The following ACTL7B variants were observed in gnomAD, a reference collection of about 807,000 sequenced individuals.
The protein encoded by ACTL7B is actin like 7B.
A neutral mutation model predicts 17.5 loss-of-function variants in ACTL7B; 14 were observed. That is an observed-to-expected ratio of 0.80 (90% confidence interval 0.53 to 1.25). The LOEUF is 1.25. ACTL7B is among the 50% of genes most tolerant of loss of function. The probability of loss-of-function intolerance (pLI) is 0.00; values close to 1 mark genes in which losing one functional copy is unlikely to be tolerated. For missense variants in ACTL7B, 599 were observed against 573.9 expected (o/e 1.04, Z -0.45); for synonymous variants, 267 against 252.4 (o/e 1.06, Z -0.55).
chr9:108,855,324 C>G lies in ACTL7B; in HGVS notation c.607G>C (p.Val203Leu). 6.2e-7 allele frequency: 1 copy of G among 1,605,594 alleles called. No individual in the cohort carries two copies. Residue 203 changes from valine to leucine, a missense_variant, in exon 1 of 1, where the codon GTC (valine) becomes CTC (leucine). By Grantham distance (32) the Val-to-Leu change is conservative (BLOSUM62 1). Coordinates refer to ENST00000374667, the MANE Select transcript of ACTL7B (RefSeq NM_006686.4). ...SGLVVESGHG[V>L]SHVVPISEGD... is the part of the protein sequence containing the mutation. The stretch of plus-strand genomic sequence containing the variant: ...TCGGATATGGGCACCACGTGCGAGA[C>G]GCCGTGCCCGCTCTCCACCACCAGC...
chr9:108,855,734 G>C lies in ACTL7B; in HGVS notation c.197C>G (p.Ala66Gly). 6.2e-7 allele frequency: 1 copy of C among 1,608,820 alleles called. No homozygotes were observed. The highest frequency in any genetic ancestry group is 1.1e-5 in the South Asian group (1 of 91,064). Residue 66 changes from alanine (A) to glycine (G), a missense_variant, in exon 1 of 1, where the codon GCG becomes GGG. Transcript: ENST00000374667. ...GAAGTAGGTGGGCCTCGGCTCTCCC[G>C]CGTAGCCGCACTTGCAGTACTGGGA... Reference protein sequence around the residue: ...LGSQYCKCGYAGEPRPTYFIS... With the variant: ...LGSQYCKCGYGGEPRPTYFIS...
rs34113222 is a variant in ACTL7B at position 108,855,826 on chromosome 9, C to T, written c.105G>A (p.Ala35=). Residue 35 remains alanine (A), a synonymous_variant, in exon 1 of 1, where the codon GCG becomes GCA. Transcript: ENST00000374667. ...GPDASLRDTG[A]ATQLKMKPRK... Reference sequence around the variant, plus strand: ...TGGGCTTCATCTTGAGCTGAGTGGCCGCACCTGTGTCCCGGAGGCTGGCGT... The same window carrying T: ...TGGGCTTCATCTTGAGCTGAGTGGCTGCACCTGTGTCCCGGAGGCTGGCGT... The T allele has an allele frequency of 7.3e-3, 11,730 of 1,611,380 alleles. 763 individuals carry two copies. In the African/African-American group the frequency reaches 0.14, roughly 19 times the overall value.
At position 108,855,278 on chromosome 9, in the gene ACTL7B, A is replaced by T. The variant is rs1448842948; in HGVS notation, c.653T>A (p.Leu218Gln). The T allele has an allele frequency of 6.3e-7, 1 of 1,598,042 alleles. No homozygotes were observed. The highest frequency in any genetic ancestry group is 1.3e-5 in the African/African-American group (1 of 74,884). Residue 218 changes from leucine to glutamine, a missense_variant, in exon 1 of 1, where the codon CTG becomes CAG. Coordinates refer to ENST00000374667, the MANE Select transcript of ACTL7B (RefSeq NM_006686.4). ...CCCAGCGTAGTCGGCGCGGCTGGTCAGGCCCGGCAGCACGTCGCCCTCGGA... is the reference window on the plus strand; with the variant it reads ...CCCAGCGTAGTCGGCGCGGCTGGTCTGGCCCGGCAGCACGTCGCCCTCGGA... ...PISEGDVLPG[L>Q]TSRADYAGGD...
In ACTL7B at chr9:108,855,805, C is replaced by T. The variant is rs1827094430; in HGVS notation, c.126G>A (p.Lys42=). The T allele has an allele frequency of 6.2e-7, 1 of 1,610,842 alleles. No individual in the cohort carries two copies. The highest frequency in any genetic ancestry group is 1.1e-5 in the South Asian group (1 of 91,092). ...DTGAATQLKM[K]PRKVHKIKAV... ...CCTTGATCTTGTGCACCTTCCTGGG[C>T]TTCATCTTGAGCTGAGTGGCCGCAC... Residue 42 remains lysine, a synonymous_variant, in exon 1 of 1, where the codon AAG becomes AAA. Transcript: ENST00000374667.
At position 108,854,634 on chromosome 9, in the gene ACTL7B, G is replaced by T; in HGVS notation, c.*49C>A. On this transcript the variant is annotated 3_prime_UTR_variant, in exon 1 of 1. Transcript: ENST00000374667. ...GAAATTCTGTAAATGTGTATAGAGA[G>T]GCCTGTGGCCATCTGTGCTGGAGGC... 1 of 1,435,562 alleles carries T rather than the reference G, an allele frequency of 7.0e-7. No individual in the cohort carries two copies. The highest frequency in any genetic ancestry group is 9.2e-7 in the Non-Finnish European group (1 of 1,089,344). The allele number at this position is 1,435,562 out of a possible 1,614,324, so 88.9% of individuals were successfully genotyped here.
rs1202959498 is a variant in ACTL7B, at chr9:108,855,511, G to A, written c.420C>T (p.Ile140=). ...WEYIFRTAMK[I]LPEEHAVLVS... The stretch of plus-strand genomic sequence containing the variant: ...CCAGCACAGCGTGCTCCTCGGGGAG[G>A]ATCTTCATGGCGGTGCGGAAGATGT... The change falls in exon 1 of 1, where the codon ATC becomes ATT. Residue 140 remains isoleucine, a synonymous_variant. Transcript: ENST00000374667. 6.2e-7 allele frequency: 1 copy of A among 1,613,490 alleles called. No homozygotes were observed. Among genetic ancestry groups the A allele is most frequent in the Non-Finnish European group, 8.5e-7 (1 of 1,180,048 alleles).
At position 108,855,018 on chromosome 9, in the gene ACTL7B, G is replaced by T; in HGVS notation, c.913C>A (p.Pro305Thr). ...GGCTGGGTGCTGCCTGCCAGGGAGG[G>T]CTGGAAGAGCATCTCAGAGCAACGG... ...RFRCSEMLFQ[P>T]SLAGSTQPGL... Residue 305 changes from proline (P) to threonine (T), a missense_variant, in exon 1 of 1, where the codon CCC becomes ACC. Physicochemically the swap from Pro to Thr is conservative, Grantham distance 38 (BLOSUM62 -1). Coordinates refer to ENST00000374667, the MANE Select transcript of ACTL7B (RefSeq NM_006686.4). 6.6e-7 allele frequency: 1 copy of T among 1,521,022 alleles called. No individual in the cohort carries two copies. The highest frequency in any genetic ancestry group is 8.8e-7 in the Non-Finnish European group (1 of 1,132,966). 94.2% of individuals were successfully genotyped at this position (1,521,022 alleles called of 1,614,324 possible). A position where few individuals can be genotyped will look rare whatever the true frequency, so the allele number is the denominator to read the frequency against.
Position 108,855,016 on chromosome 9 carries a change from G to A in ACTL7B, c.915C>T (p.Pro305=), listed in dbSNP as rs114422174. The change falls in exon 1 of 1, where the codon CCC becomes CCT. Residue 305 remains proline (P), a synonymous_variant. Coordinates refer to ENST00000374667, the MANE Select transcript of ACTL7B (RefSeq NM_006686.4). ...CCGGCTGGGTGCTGCCTGCCAGGGA[G>A]GGCTGGAAGAGCATCTCAGAGCAAC... The part of the protein sequence containing the change: ...RFRCSEMLFQ[P]SLAGSTQPGL... The A allele has an allele frequency of 6.6e-7, 1 of 1,518,660 alleles. No homozygotes were observed. The highest frequency in any genetic ancestry group is 1.4e-5 in the African/African-American group (1 of 72,122). 94.1% of individuals were successfully genotyped at this position (1,518,660 alleles called of 1,614,324 possible).
At position 108,854,612 on chromosome 9, in the gene ACTL7B, A is replaced by G. The variant is rs542437396; in HGVS notation, c.*71T>C. Reference sequence around the variant, plus strand: ...ATTTCAGAGTAAACCTTTATGTGAAATTCTGTAAATGTGTATAGAGAGGCC... The same window carrying G: ...ATTTCAGAGTAAACCTTTATGTGAAGTTCTGTAAATGTGTATAGAGAGGCC... On this transcript the variant is annotated 3_prime_UTR_variant, in exon 1 of 1. Coordinates refer to ENST00000374667, the MANE Select transcript of ACTL7B (RefSeq NM_006686.4). 116 of 1,347,382 alleles carry G rather than the reference A, an allele frequency of 8.6e-5. No homozygotes were observed. In the Middle Eastern group the frequency reaches 5.5e-3, roughly 64 times the overall value. The allele number at this position is 1,347,382 out of a possible 1,614,324, so 83.5% of individuals were successfully genotyped here. A position where few individuals can be genotyped will look rare whatever the true frequency, so the allele number is the denominator to read the frequency against.
In ACTL7B at chr9:108,855,031, C is replaced by T. The variant is rs1827071863; in HGVS notation, c.900G>A (p.Glu300=). 2.0e-6 allele frequency: 3 copies of T among 1,527,784 alleles called. No individual in the cohort carries two copies. In the South Asian group the frequency reaches 3.9e-5, roughly 20 times the overall value. The allele number at this position is 1,527,784 out of a possible 1,614,324, so 94.6% of individuals were successfully genotyped here. Residue 300 remains glutamate, a synonymous_variant, in exon 1 of 1, where the codon GAG becomes GAA. Transcript: ENST00000374667. ...CTGCCAGGGAGGGCTGGAAGAGCAT[C>T]TCAGAGCAACGGAAGCGCTCCTGGC... The part of the protein sequence containing the change: ...TIGQERFRCS[E]MLFQPSLAGS...
At position 108,855,733 on chromosome 9, in the gene ACTL7B, C is replaced by T. The variant is rs745654240; in HGVS notation, c.198G>A (p.Ala66=). 5.0e-6 allele frequency: 8 copies of T among 1,608,678 alleles called. No individual in the cohort carries two copies. The highest frequency in any genetic ancestry group is 6.8e-6 in the Non-Finnish European group (8 of 1,179,948). Residue 66 remains alanine, a synonymous_variant, in exon 1 of 1, where the codon GCG becomes GCA. Coordinates refer to ENST00000374667, the MANE Select transcript of ACTL7B (RefSeq NM_006686.4). ...LGSQYCKCGY[A]GEPRPTYFIS... ...TGAAGTAGGTGGGCCTCGGCTCTCC[C>T]GCGTAGCCGCACTTGCAGTACTGGG...
rs1229456577 is a variant in ACTL7B at position 108,855,265 on chromosome 9, G to A, written c.666C>T (p.Ala222=). 1.3e-6 allele frequency: 2 copies of A among 1,596,332 alleles called. No individual in the cohort carries two copies. Among genetic ancestry groups the A allele is most frequent in the Non-Finnish European group, 1.7e-6 (2 of 1,176,698 alleles). The change falls in exon 1 of 1, where the codon GCC becomes GCT. Residue 222 remains alanine, a synonymous_variant. Transcript: ENST00000374667. ...TGGTGAGGTCACCCCCAGCGTAGTC[G>A]GCGCGGCTGGTCAGGCCCGGCAGCA... ...GDVLPGLTSR[A]DYAGGDLTNY...
In ACTL7B at chr9:108,854,677, C is replaced by T. The variant is rs771048019; in HGVS notation, c.*6G>A. On this transcript the variant is annotated 3_prime_UTR_variant, in exon 1 of 1. Transcript: ENST00000374667. ...CTGGAGGCCTTGTCTGTGGAAATGC[C>T]GAGGCTCAGCACTTGCTGTAGATGG... The T allele has an allele frequency of 3.3e-6, 5 of 1,492,678 alleles. No homozygotes were observed. Among genetic ancestry groups the T allele is most frequent in the Middle Eastern group, 2.0e-4 (1 of 4,924 alleles). 92.5% of individuals were successfully genotyped at this position (1,492,678 alleles called of 1,614,324 possible).
Position 108,855,566 on chromosome 9 carries a change from T to A in ACTL7B, c.365A>T (p.Asp122Val). 3 of 1,613,760 alleles carry A rather than the reference T, an allele frequency of 1.9e-6. No individual in the cohort carries two copies. Among genetic ancestry groups the A allele is most frequent in the Non-Finnish European group, 2.5e-6 (3 of 1,180,038 alleles). Residue 122 changes from aspartate (D) to valine (V), a missense_variant, in exon 1 of 1, where the codon GAC becomes GTC. Coordinates refer to ENST00000374667, the MANE Select transcript of ACTL7B (RefSeq NM_006686.4). ...VNPLKHGIVV[D>V]WDCVQDIWEY... ...CCAGATGTCCTGCACGCAGTCCCAG[T>A]CCACCACGATGCCGTGCTTCAGCGG...
chr9:108,855,541 C>G lies in ACTL7B; in HGVS notation c.390G>C (p.Trp130Cys). The G allele has an allele frequency of 6.2e-7, 1 of 1,613,652 alleles. No individual in the cohort carries two copies. The change falls in exon 1 of 1, where the codon TGG becomes TGC. Residue 130 changes from tryptophan (W) to cysteine (C), a missense_variant. Physicochemically the swap from Trp to Cys is radical, Grantham distance 215. Coordinates refer to ENST00000374667, the MANE Select transcript of ACTL7B (RefSeq NM_006686.4). The stretch of plus-strand genomic sequence containing the variant: ...TCATGGCGGTGCGGAAGATGTACTC[C>G]CAGATGTCCTGCACGCAGTCCCAGT... The part of the protein sequence containing the change: ...VVDWDCVQDI[W>C]EYIFRTAMKI...
rs757840205 is a variant in ACTL7B, at chr9:108,855,454, G to A, written c.477C>T (p.Asn159=). Reference sequence around the variant, plus strand: ...ACATGAGCTCCGCGTACTTCTCCCGGTTGCTGCTGGGGCTGAGCGGAGGGT... The same window carrying A: ...ACATGAGCTCCGCGTACTTCTCCCGATTGCTGCTGGGGCTGAGCGGAGGGT... ...VSDPPLSPSS[N]REKYAELMFE... The change falls in exon 1 of 1, where the codon AAC becomes AAT. Residue 159 remains asparagine (N), a synonymous_variant. Coordinates refer to ENST00000374667, the MANE Select transcript of ACTL7B (RefSeq NM_006686.4). 1 of 1,613,344 alleles carries A rather than the reference G, an allele frequency of 6.2e-7. No homozygotes were observed. The highest frequency in any genetic ancestry group is 8.5e-7 in the Non-Finnish European group (1 of 1,179,916).
At position 108,854,980 on chromosome 9, in the gene ACTL7B, C is replaced by T. The variant is rs1014646128; in HGVS notation, c.951G>A (p.Glu317=). ...LAGSTQPGLP[E]LTAACLGRCQ... ...AGCGGCCCAGGCAGGCAGCTGTGAG[C>T]TCCGGGAGGCCCGGCTGGGTGCTGC... Residue 317 remains glutamate, a synonymous_variant, in exon 1 of 1, where the codon GAG becomes GAA. Coordinates refer to ENST00000374667, the MANE Select transcript of ACTL7B (RefSeq NM_006686.4). 3 of 1,518,034 alleles carry T rather than the reference C, an allele frequency of 2.0e-6. No homozygotes were observed. In the African/African-American group the frequency reaches 4.2e-5, roughly 21 times the overall value. The allele number at this position is 1,518,034 out of a possible 1,614,324, so 94.0% of individuals were successfully genotyped here.
At position 108,855,839 on chromosome 9, in the gene ACTL7B, C is replaced by T. The variant is rs770944293; in HGVS notation, c.92G>A (p.Arg31Gln). Residue 31 changes from arginine to glutamine, a missense_variant, in exon 1 of 1, where the codon CGG (arginine) becomes CAG (glutamine). Transcript: ENST00000374667. ...GAGCTGAGTGGCCGCACCTGTGTCC[C>T]GGAGGCTGGCGTCAGGGCCGGGCCG... is the stretch of plus-strand genomic sequence containing the variant. ...GTRPGPDASL[R>Q]DTGAATQLKM... The T allele has an allele frequency of 8.7e-6, 14 of 1,611,334 alleles. No individual in the cohort carries two copies. The highest frequency in any genetic ancestry group is 1.3e-5 in the African/African-American group (1 of 74,920).
rs1481179277 is a variant in ACTL7B at position 108,855,425 on chromosome 9, T to C, written c.506A>G (p.Glu169Gly). 1 of 1,613,290 alleles carries C rather than the reference T, an allele frequency of 6.2e-7. No individual in the cohort carries two copies. Among genetic ancestry groups the C allele is most frequent in the South Asian group, 1.1e-5 (1 of 91,080 alleles). ...GTGCATGGCTGGGATGCCGAAGGTC[T>C]CAAACATGAGCTCCGCGTACTTCTC... ...NREKYAELMF[E>G]TFGIPAMHVT... The change falls in exon 1 of 1, where the codon GAG becomes GGG. Residue 169 changes from glutamate to glycine, a missense_variant. Physicochemically the swap from Glu to Gly is moderately conservative, Grantham distance 98. Coordinates refer to ENST00000374667, the MANE Select transcript of ACTL7B (RefSeq NM_006686.4).
Sources: gnomAD v4.1 joint callset for allele counts on GRCh38, gnomAD v4.1.1 for gene constraint, MANE v1.5 for transcripts, NCBI Gene and HGNC (gene_info 2026-07-23, HGNC 2026-07-21) for gene names.